The following BBX variants were observed in gnomAD, a reference collection of about 807,000 sequenced individuals.
BBX encodes HMG box transcription factor BBX.
In BBX, 30 loss-of-function variants were observed where a neutral mutation model predicts 100.2. The observed-to-expected ratio is 0.30, with a 90% CI of 0.22 to 0.41. BBX has a LOEUF of 0.41. Ranked by LOEUF, BBX falls within the 10% of genes least tolerant of loss-of-function variation. The pLI, the probability that BBX is intolerant of heterozygous loss-of-function variation, is 1.00. For missense variants in BBX, 1,023 were observed against 1,129.8 expected, an observed-to-expected ratio of 0.91 and a Z score of 1.35; for synonymous variants, 376 against 388.1, an observed-to-expected ratio of 0.97 and a Z score of 0.37.
chr3:107,703,013 T>C (rs1462625409), intron 3 of BBX, among the ~76,000 whole-genome samples: 3 of 152,134 alleles, frequency 2.0e-5, no homozygotes, highest in African/African-American at 7.2e-5. Context: ...AGGTGATCAA[T>C]ACGTATGTGT....
rs78657328 is a variant in BBX at position 107,679,059 on chromosome 3, G to A, written c.-9-31393G>A. On this transcript the variant is annotated intron_variant, in intron 3 of 17. Coordinates refer to ENST00000325805, the MANE Select transcript of BBX (RefSeq NM_001142568.3). ...TCACAGTTAACATTTGTGTCAAATCGCATGAGATATGAAGCATAGACAAAG... is the reference window on the plus strand; with the variant it reads ...TCACAGTTAACATTTGTGTCAAATCACATGAGATATGAAGCATAGACAAAG... 1.8e-4 allele frequency among the ~76,000 whole-genome samples: 27 copies of A among 151,566 alleles called. No homozygotes were observed. In the East Asian group the frequency reaches 4.3e-3, roughly 24 times the overall value.
At chr3:107,564,406 A>G (rs2050723205) in intron 2 of BBX, among the ~76,000 whole-genome samples, 2 of 152,318 alleles carry the variant, frequency 1.3e-5, no homozygotes, top group East Asian at 1.9e-4. Context: ...CAGGTAGTCA[A>G]CTTTATCAAT....
At chr3:107,527,746 G>A (rs2047882378) in intron 2 of BBX, among the ~76,000 whole-genome samples, 1 of 152,194 alleles carries the variant, frequency 6.6e-6, no homozygotes, top group South Asian at 2.1e-4. Flanking sequence ...CAATCGGAGT[G>A]TCAAAATGAG....
At chr3:107,582,240 C>G (rs1468849669) in intron 2 of BBX, among the ~76,000 whole-genome samples, 1 of 150,956 alleles carries the variant, frequency 6.6e-6, no homozygotes, top group Non-Finnish European at 1.5e-5. Context: ...GGAAAAATTT[C>G]TGCAGTTTTT....
intron 1 of BBX, chr3:107,524,163 G>A (rs2047572510): frequency 6.6e-6 from 1 of 152,268 alleles, no homozygotes; most frequent in Admixed American, 6.5e-5. Context: ...GGAGGAGGAA[G>A]GCCTTGGCCG....
At chr3:107,709,856 G>A (rs2061609527) in intron 3 of BBX, among the ~76,000 whole-genome samples, 1 of 152,182 alleles carries the variant, frequency 6.6e-6, no homozygotes, top group African/African-American at 2.4e-5. Flanking sequence ...TTATAGCTTG[G>A]CCATTGCTTG....
At chr3:107,724,524 G>A (rs969129459) in intron 5 of BBX, among the ~76,000 whole-genome samples, 3 of 152,034 alleles carry the variant, frequency 2.0e-5, no homozygotes, top group South Asian at 4.2e-4. Context: ...TTTCTTCTAG[G>A]GTTTTTATGG....
intron 2 of BBX, among the ~76,000 whole-genome samples, chr3:107,545,019 A>G (rs968630567): frequency 9.2e-5 from 14 of 152,048 alleles, no homozygotes; most frequent in Non-Finnish European, 1.6e-4. Flanking sequence ...CCGTCTCAAA[A>G]AAAAAAAAAT....
At chr3:107,710,969 T>G (rs1305454801) in intron 4 of BBX, among the ~76,000 whole-genome samples, 1 of 152,224 alleles carries the variant, frequency 6.6e-6, no homozygotes, top group Non-Finnish European at 1.5e-5. Context: ...CTGTCTTGGC[T>G]TCTGGCCTCG....
At chr3:107,593,807 C>G (rs1216560704) in intron 2 of BBX, among the ~76,000 whole-genome samples, 1 of 152,140 alleles carries the variant, frequency 6.6e-6, no homozygotes, top group Non-Finnish European at 1.5e-5. Context: ...CCCCAAAAAC[C>G]AAACAGGCTT....
chr3:107,618,576 C>T (rs899410978), intron 2 of BBX, among the ~76,000 whole-genome samples: 1 of 152,030 alleles, frequency 6.6e-6, no homozygotes, highest in African/African-American at 2.4e-5. Context: ...CTGTTCTACT[C>T]ATGTTGATAT....
chr3:107,536,320 A>G (rs1356006502), intron 2 of BBX, among the ~76,000 whole-genome samples: 2 of 152,238 alleles, frequency 1.3e-5, no homozygotes, highest in African/African-American at 2.4e-5. Context: ...AAATTCAGCA[A>G]AGTCAGAGCC....
intron 15 of BBX, among the ~76,000 whole-genome samples, chr3:107,796,865 G>T (rs1344464888): frequency 5.9e-5 from 9 of 152,124 alleles, no homozygotes; most frequent in African/African-American, 2.2e-4. Flanking sequence ...GAATAGATCT[G>T]CAATCTAAAA....
intron 1 of BBX, among the ~76,000 whole-genome samples, chr3:107,525,221 C>T (rs1048471860): frequency 6.6e-5 from 10 of 150,682 alleles, no homozygotes; most frequent in African/African-American, 2.4e-4. Flanking sequence ...GCGGTCCAAG[C>T]CCGGAATGGC....
At position 107,789,729 on chromosome 3, in the gene BBX, A is replaced by G; in HGVS notation, c.2204-58A>G. ...AGGGTGGAATTGTTGAGAAATACACAATATTTTTTATGAAACATTGTGAAT... is the reference window on the plus strand; with the variant it reads ...AGGGTGGAATTGTTGAGAAATACACGATATTTTTTATGAAACATTGTGAAT... On this transcript the variant is annotated intron_variant, in intron 13 of 17. Transcript: ENST00000325805. The G allele has an allele frequency of 2.4e-6, 3 of 1,237,214 alleles. No individual in the cohort carries two copies. In the South Asian group the frequency reaches 5.0e-5, roughly 20 times the overall value. The allele number at this position is 1,237,214 out of a possible 1,614,324, so 76.6% of individuals were successfully genotyped here. A position where few individuals can be genotyped will look rare whatever the true frequency, so the allele number is the denominator to read the frequency against.
intron 2 of BBX, among the ~76,000 whole-genome samples, chr3:107,611,195 G>A (rs577590554): frequency 3.3e-5 from 5 of 152,014 alleles, no homozygotes; most frequent in African/African-American, 9.6e-5. Flanking sequence ...CTTATTGTAC[G>A]ATGCATGTCT....
chr3:107,638,795 AC>A (rs1160133930), intron 2 of BBX, among the ~76,000 whole-genome samples: 1 of 98,866 alleles, frequency 1.0e-5, no homozygotes. Context: ...ACACACACAC[AC>A]ACACACACAC....
At chr3:107,760,137 G>T (rs532923694) in intron 10 of BBX, among the ~76,000 whole-genome samples, 2 of 152,184 alleles carry the variant, frequency 1.3e-5, no homozygotes, top group Admixed American at 1.3e-4. Context: ...GACAATAAGT[G>T]TTAGAGCCTA....
intron 7 of BBX, among the ~76,000 whole-genome samples, chr3:107,743,927 T>G (rs2064341554): frequency 6.7e-6 from 1 of 148,332 alleles, no homozygotes; most frequent in African/African-American, 2.5e-5. Context: ...GGTTTTTTTT[T>G]TTTTTTTTTT....
Sources: gnomAD v4.1 joint callset for allele counts (sites outside exome capture counted in the v4.1 genomes callset) on GRCh38, gnomAD v4.1.1 for gene constraint, MANE v1.5 for transcripts, NCBI Gene and HGNC (gene_info 2026-07-23, HGNC 2026-07-21) for gene names.